Variants in TEKTL1 observed in about 807,000 individuals in gnomAD.
TEKTL1 encodes the protein tektin-like protein 1.
the TEKTL1 span, among the ~76,000 whole-genome samples, chr19:15,016,275 T>C: frequency 1.4e-5 from 2 of 143,656 alleles, no homozygotes; most frequent in African/African-American, 5.2e-5. Flanking sequence ...CTGCAACCTC[T>C]GCCTTCCGAG....
chr19:15,011,755 T>TC, the TEKTL1 span, among the ~76,000 whole-genome samples: 137 of 130,408 alleles, frequency 1.1e-3, 2 homozygotes, highest in African/African-American at 3.9e-3. Flanking sequence ...AAAAAAAATA[T>TC]TTCCATAGAG....
chr19:15,021,511 G>A, the TEKTL1 span: 4 of 1,614,116 alleles, frequency 2.5e-6, no homozygotes, highest in Non-Finnish European at 2.5e-6. Flanking sequence ...CGAGACCTTG[G>A]AGCTGAAGGT....
the TEKTL1 span, chr19:15,013,650 G>A: frequency 6.4e-7 from 1 of 1,559,044 alleles, no homozygotes. Flanking sequence ...ACGATGTGAG[G>A]GATTCTCTCC....
chr19:15,013,778 T>C, the TEKTL1 span: 3 of 1,603,530 alleles, frequency 1.9e-6, no homozygotes, highest in Non-Finnish European at 2.6e-6. Flanking sequence ...CTACTCAAGG[T>C]TAGGGGTGCC....
the TEKTL1 span, chr19:15,020,795 T>G: frequency 1.4e-6 from 1 of 714,408 alleles, no homozygotes; most frequent in Non-Finnish European, 2.3e-6. Context: ...AAGCCTATCA[T>G]GCTGAGCACA....
the TEKTL1 span, among the ~76,000 whole-genome samples, chr19:15,016,185 C>CTTTT: frequency 0.021 from 1,385 of 66,710 alleles, 146 homozygotes; most frequent in African/African-American, 0.08. Context: ...GACAGCTGTC[C>CTTTT]TTTTTTTTTT....
chr19:15,013,907 C>T, the TEKTL1 span: 8 of 626,442 alleles, frequency 1.3e-5, no homozygotes, highest in East Asian at 2.2e-4. Context: ...ATATTCACTG[C>T]ATTTTGCTTT....
the TEKTL1 span, chr19:15,020,351 G>T: frequency 1.1e-6 from 1 of 894,304 alleles, no homozygotes; most frequent in South Asian, 1.8e-5. Flanking sequence ...TTTAGAGGTA[G>T]AAATGCTTTA....
the TEKTL1 span, chr19:15,023,017 CCAGCGGCAACCG>C: frequency 1.2e-6 from 2 of 1,612,690 alleles, no homozygotes; most frequent in Non-Finnish European, 1.7e-6. Flanking sequence ...TGCGCCTGCG[CCAGCGGCAACCG>C]CACGTGTGCT....
the TEKTL1 span, chr19:15,011,535 AC>A: frequency 1.6e-6 from 1 of 639,564 alleles, no homozygotes. Flanking sequence ...GGAATTCGAG[AC>A]CAGCCTGACC....
At chr19:15,011,303 G>A in the TEKTL1 span, 4 of 1,525,056 alleles carry the variant, frequency 2.6e-6, no homozygotes, top group Non-Finnish European at 3.5e-6. Flanking sequence ...CCAGCGCGAG[G>A]TCACCGACCA....
chr19:15,016,467 A>G, the TEKTL1 span, among the ~76,000 whole-genome samples: 116,070 of 152,058 alleles, frequency 0.76, 44,422 homozygotes, highest in Admixed American at 0.8. Context: ...GATTACAGGC[A>G]TGAGCCACTG....
the TEKTL1 span, chr19:15,022,814 T>TC: frequency 6.6e-7 from 1 of 1,523,094 alleles, no homozygotes; most frequent in Non-Finnish European, 8.8e-7. Context: ...AGGTGTGCCT[T>TC]CCCACGCCAG....
the TEKTL1 span, among the ~76,000 whole-genome samples, chr19:15,012,345 CTTGAGGCCAGGAGT>C: frequency 2.0e-5 from 3 of 152,014 alleles, no homozygotes; most frequent in African/African-American, 4.8e-5. Flanking sequence ...AGGAGGATTG[CTTGAGGCCAGGAGT>C]TTGAGGCCAG....
chr19:15,018,553 A>T, the TEKTL1 span, among the ~76,000 whole-genome samples: 19 of 148,482 alleles, frequency 1.3e-4, no homozygotes, highest in South Asian at 3.9e-3. Flanking sequence ...TACAAAAATT[A>T]AAAAAAAATA....
chr19:15,022,905 T>C, the TEKTL1 span: 2 of 1,603,260 alleles, frequency 1.2e-6, no homozygotes, highest in East Asian at 2.3e-5. Context: ...ATCACGTACC[T>C]GGAAAAGAAC....
chr19:15,014,772 T>C, the TEKTL1 span, among the ~76,000 whole-genome samples: 18,693 of 144,784 alleles, frequency 0.13, 1,309 homozygotes, highest in South Asian at 0.19. Context: ...TGGTGCTGAA[T>C]CGGAATACTG....
chr19:15,020,566 C>A, the TEKTL1 span: 1 of 1,614,088 alleles, frequency 6.2e-7, no homozygotes, highest in South Asian at 1.1e-5. Context: ...GCAGGCCAGA[C>A]GCCACTCATG....
the TEKTL1 span, chr19:15,022,734 T>TC: frequency 4.5e-6 from 4 of 892,848 alleles, no homozygotes; most frequent in African/African-American, 5.2e-5. Context: ...TTTTTTTTTT[T>TC]CCAGGCACAC....
Sources: allele counts gnomAD v4.1 joint callset (sites outside exome capture counted in the v4.1 genomes callset), GRCh38; gene constraint gnomAD v4.1.1; transcripts MANE v1.5; gene names NCBI Gene and HGNC (gene_info 2026-07-23, HGNC 2026-07-21).